DNAI4: variants seen among roughly 807,000 people sequenced by gnomAD.
The protein encoded by DNAI4 is dynein axonemal intermediate chain 4, also known as WD repeat domain 78.
A neutral mutation model predicts 105.8 loss-of-function variants in DNAI4; 85 were observed. The ratio of observed to expected loss-of-function variants is 0.80; its 90% confidence interval spans 0.67 to 0.96. The LOEUF (loss-of-function observed/expected upper bound fraction) is 0.96. DNAI4 is among the 40% of genes least tolerant of loss of function. The pLI is 0.00. For missense variants in DNAI4, 1,014 were observed against 1,005.6 expected (o/e 1.01, Z -0.11); for synonymous variants, 352 against 331.5 (o/e 1.06, Z -0.67).
intron 13 of DNAI4, among the ~76,000 whole-genome samples, chr1:66,832,731 A>G (rs955056949): frequency 6.6e-6 from 1 of 152,172 alleles, no homozygotes; most frequent in Admixed American, 6.5e-5. Context: ...ATATTCTATG[A>G]TGTGATTATT....
Position 66,822,392 on chromosome 1 carries a change from C to T in DNAI4, c.2465G>A (p.Arg822Lys). 1 of 1,608,144 alleles carries T rather than the reference C, an allele frequency of 6.2e-7. No individual in the cohort carries two copies. The highest frequency in any genetic ancestry group is 1.3e-5 in the African/African-American group (1 of 74,744). Reference protein sequence around the residue: ...SDGQVSVYELRNMPTVLETGR... With the variant: ...SDGQVSVYELKNMPTVLETGR... ...AGTTTCCAAAACAGTAGGCATATTTCTCAGTTCATACACAGAAACCTGTCC... is the reference window on the plus strand; with the variant it reads ...AGTTTCCAAAACAGTAGGCATATTTTTCAGTTCATACACAGAAACCTGTCC... Residue 822 changes from arginine to lysine, a missense_variant, in exon 16 of 17, where the codon AGA (arginine) becomes AAA (lysine). Coordinates refer to ENST00000371026, the MANE Select transcript of DNAI4 (RefSeq NM_024763.5).
chr1:66,909,285 TACACACACAC>T (rs71058481), intron 1 of DNAI4, among the ~76,000 whole-genome samples: 2 of 134,466 alleles, frequency 1.5e-5, no homozygotes, highest in Non-Finnish European at 3.1e-5. Context: ...CACCTCTCTC[TACACACACAC>T]ACACACACAC....
chr1:66,839,994 T>G (rs1646114613), intron 9 of DNAI4, among the ~76,000 whole-genome samples: 1 of 152,204 alleles, frequency 6.6e-6, no homozygotes, highest in Non-Finnish European at 1.5e-5. Context: ...CTGTTTAAGC[T>G]CTTGCTAATA....
chr1:66,911,059 C>A (rs1217232471), intron 1 of DNAI4, among the ~76,000 whole-genome samples: 1 of 152,164 alleles, frequency 6.6e-6, no homozygotes, highest in Non-Finnish European at 1.5e-5. Flanking sequence ...AGCTCAGTCC[C>A]ATAAGACTAC....
At position 66,874,853 on chromosome 1, in the gene DNAI4, G is replaced by C; in HGVS notation, c.728C>G (p.Thr243Arg). The change falls in exon 5 of 17, where the codon ACA (threonine) becomes AGA (arginine). Residue 243 changes from threonine to arginine, a missense_variant. Transcript: ENST00000371026. ...EKNIEIILTE[T>R]ETLRFFDLPT... The stretch of plus-strand genomic sequence containing the variant: ...CAAGTCAAAAAATCTCAGTGTTTCT[G>C]TCTCTGTGAGTATTATCTCTATATT... The C allele has an allele frequency of 6.2e-7, 1 of 1,613,690 alleles. No homozygotes were observed. The highest frequency in any genetic ancestry group is 8.5e-7 in the Non-Finnish European group (1 of 1,179,744).
chr1:66,863,544 T>C (rs1296471257), intron 6 of DNAI4, among the ~76,000 whole-genome samples: 8 of 152,104 alleles, frequency 5.3e-5, no homozygotes, highest in Non-Finnish European at 1.0e-4. Flanking sequence ...CTGCAACCTA[T>C]GTGTCCCGGG....
intron 15 of DNAI4, among the ~76,000 whole-genome samples, chr1:66,824,386 G>A (rs969002226): frequency 1.4e-4 from 21 of 152,042 alleles, no homozygotes; most frequent in African/African-American, 3.4e-4. Flanking sequence ...TTGACTTGGC[G>A]ATGCGGGCTC....
intron 1 of DNAI4, among the ~76,000 whole-genome samples, chr1:66,915,833 A>C (rs1463695613): frequency 6.6e-6 from 1 of 152,152 alleles, no homozygotes; most frequent in Non-Finnish European, 1.5e-5. Flanking sequence ...ATGAGAAAAA[A>C]AATCTTTGGT....
intron 4 of DNAI4, among the ~76,000 whole-genome samples, chr1:66,881,457 A>C (rs566182931): frequency 3.7e-4 from 56 of 152,350 alleles, no homozygotes; most frequent in Non-Finnish European, 7.2e-4. Flanking sequence ...ACCCGGATGC[A>C]AGATACGGAG....
chr1:66,815,494 T>C (rs1049639652), intron 16 of DNAI4, among the ~76,000 whole-genome samples: 48 of 152,224 alleles, frequency 3.2e-4, no homozygotes, highest in African/African-American at 1.1e-3. Flanking sequence ...CTTTTTTGAA[T>C]ATTTCAGTTA....
Position 66,823,911 on chromosome 1 carries a change from T to C in DNAI4, c.2340-1394A>G, listed in dbSNP as rs923336827. Among the ~76,000 whole-genome samples, 399 of 150,610 alleles carry C rather than the reference T, an allele frequency of 2.6e-3. 3 individuals are homozygous for C. Among genetic ancestry groups the C allele is most frequent in the South Asian group, 0.01 (48 of 4,762 alleles). On this transcript the variant is annotated intron_variant, in intron 15 of 16. Transcript: ENST00000371026. The stretch of plus-strand genomic sequence containing the variant: ...TTTGCTGTGCAGAAGCTCTTTAGTT[T>C]AATTAGATCCCATTTGTCAATTTTG...
At chr1:66,895,049 T>C (rs939268823) in intron 2 of DNAI4, among the ~76,000 whole-genome samples, 4 of 152,212 alleles carry the variant, frequency 2.6e-5, no homozygotes, top group Admixed American at 2.0e-4. Flanking sequence ...TATATCTCCT[T>C]TTGTTTTGGT....
chr1:66,835,413 T>C (rs3738168), intron 11 of DNAI4, among the ~76,000 whole-genome samples: 16,280 of 152,138 alleles, frequency 0.11, 931 homozygotes, highest in South Asian at 0.17. Context: ...TCAGAGGAAG[T>C]TCGTTAGTGA....
chr1:66,892,991 AAGAAAGAG>A lies in DNAI4; in HGVS notation c.530+230_530+237del, dbSNP rs1310148033. ...AAAGAAAGAAAGAAAGAAAGAAAGA[AAGAAAGAG>A]AGAAAGAGAGAGAGGAAAGAAAGAA... is the stretch of plus-strand genomic sequence containing the variant. On this transcript the variant is annotated intron_variant, in intron 3 of 16. Coordinates refer to ENST00000371026, the MANE Select transcript of DNAI4 (RefSeq NM_024763.5). Among the ~76,000 whole-genome samples, 63 of 108,060 alleles carry A rather than the reference AAGAAAGAG, an allele frequency of 5.8e-4. 2 individuals are homozygous for A. The highest frequency in any genetic ancestry group is 2.3e-3 in the African/African-American group (55 of 23,776). The allele number at this position is 108,060 out of a possible 152,430, so 70.9% of individuals were successfully genotyped here.
chr1:66,882,402 A>AT (rs1284130559), intron 4 of DNAI4, among the ~76,000 whole-genome samples: 1 of 151,972 alleles, frequency 6.6e-6, no homozygotes, highest in African/African-American at 2.4e-5. Context: ...GATCACACAG[A>AT]TTTTTTCCTG....
intron 4 of DNAI4, among the ~76,000 whole-genome samples, chr1:66,877,304 G>A (rs566948917): frequency 6.6e-6 from 1 of 152,282 alleles, no homozygotes; most frequent in African/African-American, 2.4e-5. Context: ...CTGTGCATGA[G>A]ATGCTGTTTG....
intron 2 of DNAI4, among the ~76,000 whole-genome samples, chr1:66,901,978 G>C (rs1040623212): frequency 6.6e-6 from 1 of 151,850 alleles, no homozygotes; most frequent in African/African-American, 2.4e-5. Flanking sequence ...ATAGAGATGG[G>C]GTCTTGCTAT....
Position 66,835,689 on chromosome 1 carries a change from T to C in DNAI4, c.1670A>G (p.His557Arg). Residue 557 changes from histidine to arginine, a missense_variant, in exon 11 of 17, where the codon CAC becomes CGC. Physicochemically the swap from His to Arg is conservative, Grantham distance 29 (BLOSUM62 0). Transcript: ENST00000371026. ...ATTGTAAATTGCAATTGTGCCATTGTGATAGCCAACGGCTAAAAGGTTAGG... is the reference window on the plus strand; with the variant it reads ...ATTGTAAATTGCAATTGTGCCATTGCGATAGCCAACGGCTAAAAGGTTAGG... ...GAPNLLAVGY[H>R]NGTIAIYNVR... 2 of 1,614,138 alleles carry C rather than the reference T, an allele frequency of 1.2e-6. No individual in the cohort carries two copies. Among genetic ancestry groups the C allele is most frequent in the Non-Finnish European group, 1.7e-6 (2 of 1,179,974 alleles).
At chr1:66,840,445 T>C in intron 9 of DNAI4, 24 bp downstream of exon 9, 1 of 1,591,392 alleles carries the variant, frequency 6.3e-7, no homozygotes, top group Admixed American at 1.7e-5. Context: ...AGAAACAGAA[T>C]TGTTCAAATG....
Sources: allele counts gnomAD v4.1 joint callset (sites outside exome capture counted in the v4.1 genomes callset), GRCh38; gene constraint gnomAD v4.1.1; transcripts MANE v1.5; gene names NCBI Gene and HGNC (gene_info 2026-07-23, HGNC 2026-07-21).